RNF4: variants seen among roughly 807,000 people sequenced by gnomAD.
RNF4 encodes E3 ubiquitin-protein ligase RNF4.
RNF4 carries 7 observed loss-of-function variants against 24.3 expected under a neutral mutation model. The observed-to-expected ratio is 0.29, with a 90% CI of 0.16 to 0.54. The LOEUF (loss-of-function observed/expected upper bound fraction) is 0.54. Ranked by LOEUF, RNF4 falls within the 20% of genes least tolerant of loss-of-function variation. The pLI, the probability that RNF4 is intolerant of heterozygous loss-of-function variation, is 0.95. For missense variants in RNF4, 209 were observed against 248.5 expected (o/e 0.84, Z 1.07); for synonymous variants, 83 against 84.3 (o/e 0.98, Z 0.09).
At chr4:2,500,790 C>A in intron 4 of RNF4, 52 bp downstream of exon 4, 1 of 1,556,294 alleles carries the variant, frequency 6.4e-7, no homozygotes, top group South Asian at 1.1e-5. Flanking sequence ...GGTCCCTGGC[C>A]AGTGCCAGCA....
At position 2,514,771 on chromosome 4, in the gene RNF4, C is replaced by T. The variant is rs1736367016; in HGVS notation, c.*952C>T. 1 of 152,706 alleles carries T rather than the reference C, an allele frequency of 6.5e-6. No homozygotes were observed. Among genetic ancestry groups the T allele is most frequent in the African/African-American group, 2.4e-5 (1 of 41,456 alleles). 9.5% of individuals were successfully genotyped at this position (152,706 alleles called of 1,614,324 possible). The stretch of plus-strand genomic sequence containing the variant: ...GTGGTGGCAGTAATTGTGGCCTTAT[C>T]AGCCGCTCAGTTCCAGGCTTTTGCC... On this transcript the variant is annotated 3_prime_UTR_variant, in exon 8 of 8. Transcript: ENST00000314289.
chr4:2,479,199 C>T (rs372555152), intron 1 of RNF4, among the ~76,000 whole-genome samples: 3 of 152,198 alleles, frequency 2.0e-5, no homozygotes, highest in Admixed American at 6.6e-5. Flanking sequence ...CCTGCACCCC[C>T]GTTGTATCTA....
At chr4:2,488,217 C>T (rs1017792881) in intron 1 of RNF4, among the ~76,000 whole-genome samples, 6 of 152,148 alleles carry the variant, frequency 3.9e-5, no homozygotes, top group African/African-American at 1.4e-4. Flanking sequence ...AATCCCAGCA[C>T]TTTGGGAAGC....
At chr4:2,475,666 T>G (rs578154009) in intron 1 of RNF4, among the ~76,000 whole-genome samples, 2 of 152,326 alleles carry the variant, frequency 1.3e-5, no homozygotes, top group African/African-American at 4.8e-5. Flanking sequence ...AACAAAGTTT[T>G]GTAGACTGGG....
rs865855824 is a variant in RNF4 at position 2,510,390 on chromosome 4, A to C, written c.205-1566A>C. ...TGAAGAAGGTCTGGAGGCGGCATCC[A>C]CCCCCTGCACTCATATCTTTGGGTT... is the stretch of plus-strand genomic sequence containing the variant. On this transcript the variant is annotated intron_variant, in intron 4 of 7. Coordinates refer to ENST00000314289, the MANE Select transcript of RNF4 (RefSeq NM_002938.5). Among the ~76,000 whole-genome samples the C allele has an allele frequency of 2.6e-5, 4 of 151,992 alleles. No homozygotes were observed. The Middle Eastern group carries it at 0.01, about 388-fold the overall frequency.
intron 4 of RNF4, among the ~76,000 whole-genome samples, chr4:2,506,477 C>A (rs756338495): frequency 6.6e-6 from 1 of 152,100 alleles, no homozygotes; most frequent in Non-Finnish European, 1.5e-5. Flanking sequence ...CCACCATGTC[C>A]GGCCTCCTTG....
At chr4:2,481,725 A>G (rs1431516425) in intron 1 of RNF4, among the ~76,000 whole-genome samples, 1 of 151,794 alleles carries the variant, frequency 6.6e-6, no homozygotes, top group African/African-American at 2.4e-5. Flanking sequence ...GTGTTTTTTT[A>G]AAGACAGAGT....
At chr4:2,472,494 G>A (rs1403892623) in intron 1 of RNF4, among the ~76,000 whole-genome samples, 3 of 151,578 alleles carry the variant, frequency 2.0e-5, no homozygotes, top group African/African-American at 7.3e-5. Flanking sequence ...GCTCATGCCT[G>A]TACTCGCAGC....
At chr4:2,498,204 GGC>G in intron 3 of RNF4, among the ~76,000 whole-genome samples, 1 of 152,194 alleles carries the variant, frequency 6.6e-6, no homozygotes, top group Non-Finnish European at 1.5e-5. Context: ...TTCTGTTTGA[GGC>G]AGAGTTTCGT....
chr4:2,469,432 G>A (rs976713530), intron 1 of RNF4, 174 bp downstream of exon 1: 5 of 152,250 alleles, frequency 3.3e-5, no homozygotes, highest in Non-Finnish European at 2.9e-5. Context: ...GGCGCACCGA[G>A]CCCGGCTTGG....
chr4:2,496,882 C>A, intron 2 of RNF4, 125 bp from the exon 3 acceptor site: 1 of 621,370 alleles, frequency 1.6e-6, no homozygotes, highest in Non-Finnish European at 2.8e-6. Context: ...TTGAAAGGAG[C>A]CCTAACTTCA....
rs770743461 is a variant in RNF4, at chr4:2,469,277, G to C, written c.-158+19G>C. The C allele has an allele frequency of 2.6e-5, 4 of 152,202 alleles. No individual in the cohort carries two copies. The highest frequency in any genetic ancestry group is 5.9e-5 in the Non-Finnish European group (4 of 68,046). 9.4% of individuals were successfully genotyped at this position (152,202 alleles called of 1,614,324 possible). ...AGCAGCGGTAAGTCAGGGCCTTGCA[G>C]ATGCGAGGTTTAGGCAGCTTCGCGG... On this transcript the variant is annotated intron_variant, in intron 1 of 7. Transcript: ENST00000314289.
At chr4:2,475,856 C>A (rs1300125467) in intron 1 of RNF4, among the ~76,000 whole-genome samples, 5 of 152,200 alleles carry the variant, frequency 3.3e-5, no homozygotes, top group Non-Finnish European at 4.4e-5. Flanking sequence ...CAAGGTCACA[C>A]AATTAGTAAG....
chr4:2,513,614 A>G, intron 7 of RNF4, 56 bp from the exon 8 acceptor site: 2 of 1,605,378 alleles, frequency 1.2e-6, no homozygotes, highest in Non-Finnish European at 1.7e-6. Context: ...CTCTGGCCCC[A>G]TGGCTGCTCT....
Position 2,474,983 on chromosome 4 carries a change from C to G in RNF4, c.-158+5725C>G, listed in dbSNP as rs113717693. On this transcript the variant is annotated intron_variant, in intron 1 of 7. Coordinates refer to ENST00000314289, the MANE Select transcript of RNF4 (RefSeq NM_002938.5). ...CAGAGGTTGCGGTGAGCCAAGATTGCGCCGTTGTACTCCAGCCTGGGCAAC... is the reference window on the plus strand; with the variant it reads ...CAGAGGTTGCGGTGAGCCAAGATTGGGCCGTTGTACTCCAGCCTGGGCAAC... 1.3e-5 allele frequency among the ~76,000 whole-genome samples: 2 copies of G among 151,870 alleles called. 1 individual carries two copies. Among genetic ancestry groups the G allele is most frequent in the Non-Finnish European group, 2.9e-5 (2 of 67,960 alleles).
chr4:2,474,150 C>T (rs952696783), intron 1 of RNF4, among the ~76,000 whole-genome samples: 9 of 151,784 alleles, frequency 5.9e-5, no homozygotes, highest in East Asian at 1.9e-4. Context: ...CCAAGGCAGG[C>T]GGATCACGAG....
In RNF4 at chr4:2,491,267, C is replaced by T. The variant is rs186968160; in HGVS notation, c.9+765C>T. On this transcript the variant is annotated intron_variant, in intron 2 of 7. Transcript: ENST00000314289. ...TTTGTTTGTTTTTGAAACAGGGTCTCGCTCTGTCACCCAGCCTGGAGTGCA... is the reference window on the plus strand; with the variant it reads ...TTTGTTTGTTTTTGAAACAGGGTCTTGCTCTGTCACCCAGCCTGGAGTGCA... 6.1e-3 allele frequency among the ~76,000 whole-genome samples: 928 copies of T among 152,292 alleles called. 10 individuals carry two copies. The highest frequency in any genetic ancestry group is 8.7e-3 in the Non-Finnish European group (593 of 68,014).
At position 2,513,867 on chromosome 4, in the gene RNF4, G is replaced by C. The variant is rs1440923662; in HGVS notation, c.*48G>C. The C allele has an allele frequency of 1.2e-6, 2 of 1,610,924 alleles. No homozygotes were observed. Among genetic ancestry groups the C allele is most frequent in the South Asian group, 2.2e-5 (2 of 91,024 alleles). ...AGACGGATGGACAGACAGACAGCCAGGTTCTCCAGTGGTATCTGCCTCCAT... is the reference window on the plus strand; with the variant it reads ...AGACGGATGGACAGACAGACAGCCACGTTCTCCAGTGGTATCTGCCTCCAT... On this transcript the variant is annotated 3_prime_UTR_variant, in exon 8 of 8. Coordinates refer to ENST00000314289, the MANE Select transcript of RNF4 (RefSeq NM_002938.5).
In RNF4 at chr4:2,512,787, C is replaced by G. The variant is rs1000456828; in HGVS notation, c.374+190C>G. ...TATTCCCACTGTAACCAGAGGATGC[C>G]AAGCGCTGACACAGTGTGTGCAGAC... On this transcript the variant is annotated intron_variant, in intron 6 of 7. Coordinates refer to ENST00000314289, the MANE Select transcript of RNF4 (RefSeq NM_002938.5). This position sits in a 1 kb window ranked among gnomAD's most constrained non-coding sequence, Gnocchi z 4.1. Among the ~76,000 whole-genome samples the G allele has an allele frequency of 2.0e-5, 3 of 152,202 alleles. No homozygotes were observed. The highest frequency in any genetic ancestry group is 7.2e-5 in the African/African-American group (3 of 41,456).
Sources: allele counts gnomAD v4.1 joint callset (sites outside exome capture counted in the v4.1 genomes callset), GRCh38; gene constraint gnomAD v4.1.1; non-coding constraint Gnocchi (gnomAD v3.1); transcripts MANE v1.5; gene names NCBI Gene and HGNC (gene_info 2026-07-23, HGNC 2026-07-21).